Variants in CTNND2 observed in about 807,000 individuals in gnomAD.
CTNND2 encodes catenin delta 2, also known as catenin delta-2.
In CTNND2, 22 loss-of-function variants were observed where a neutral mutation model predicts 144.4. The ratio of observed to expected loss-of-function variants is 0.15; its 90% CI spans 0.11 to 0.22. The LOEUF is 0.22. CTNND2 is among the 10% of genes least tolerant of loss of function. CTNND2 has a pLI of 1.00. For missense variants in CTNND2, 1,353 were observed against 1,618.8 expected (o/e 0.84, Z 2.82); for synonymous variants, 751 against 695.6 (o/e 1.08, Z -1.25).
At chr5:11,665,043 G>C (rs1338361510) in intron 2 of CTNND2, among the ~76,000 whole-genome samples, 1 of 152,112 alleles carries the variant, frequency 6.6e-6, no homozygotes, top group Non-Finnish European at 1.5e-5. Context: ...TCTTTTGATG[G>C]TGAGCATCAA....
chr5:11,441,753 G>C (rs1764284511), intron 3 of CTNND2, among the ~76,000 whole-genome samples: 1 of 151,512 alleles, frequency 6.6e-6, no homozygotes, highest in African/African-American at 2.4e-5. Context: ...CTCCTGGGCA[G>C]TTTCTCAGCT....
chr5:11,623,638 A>G (rs1407290041), intron 2 of CTNND2, among the ~76,000 whole-genome samples: 3 of 151,676 alleles, frequency 2.0e-5, no homozygotes, highest in Admixed American at 2.0e-4. Flanking sequence ...ATGCAGAAAA[A>G]TCTTCAAAGC....
intron 3 of CTNND2, among the ~76,000 whole-genome samples, chr5:11,436,297 T>A (rs988538995): frequency 6.6e-6 from 1 of 152,058 alleles, no homozygotes; most frequent in Admixed American, 6.5e-5. Context: ...AATCTCACTA[T>A]CCCTGGAAGT....
intron 9 of CTNND2, among the ~76,000 whole-genome samples, chr5:11,331,230 T>C (rs1318586440): frequency 6.6e-6 from 1 of 152,148 alleles, no homozygotes; most frequent in African/African-American, 2.4e-5. Context: ...GTACTGTTGG[T>C]TCCTGGAAGA....
At chr5:11,289,336 A>G (rs1748073027) in intron 9 of CTNND2, among the ~76,000 whole-genome samples, 1 of 152,202 alleles carries the variant, frequency 6.6e-6, no homozygotes. Context: ...CTCAGATTCC[A>G]TATCCCAGTG....
intron 3 of CTNND2, among the ~76,000 whole-genome samples, chr5:11,499,162 T>C (rs1770287964): frequency 6.6e-6 from 1 of 152,178 alleles, no homozygotes; most frequent in African/African-American, 2.4e-5. Flanking sequence ...TTTGAAAATC[T>C]AGTAAAGCCT....
intron 1 of CTNND2, among the ~76,000 whole-genome samples, chr5:11,747,955 C>A (rs1384154677): frequency 6.6e-6 from 1 of 152,090 alleles, no homozygotes; most frequent in East Asian, 1.9e-4. Flanking sequence ...GATACCGAAG[C>A]TCAATGACAC....
chr5:11,803,408 T>C (rs1791805457), intron 1 of CTNND2, among the ~76,000 whole-genome samples: 1 of 152,138 alleles, frequency 6.6e-6, no homozygotes, highest in South Asian at 2.1e-4. Context: ...TCATCTTTGC[T>C]CCAAAGGGGA....
chr5:11,237,029 T>C (rs561692183), intron 9 of CTNND2, among the ~76,000 whole-genome samples: 1 of 151,828 alleles, frequency 6.6e-6, no homozygotes, highest in East Asian at 1.9e-4. Context: ...TTTCTTTTTT[T>C]TTTTTTTTTA....
In CTNND2 at chr5:11,903,450, G is replaced by A. The variant is rs1318204603; in HGVS notation, c.37+367C>T. On this transcript the variant is annotated intron_variant, in intron 1 of 21. Transcript: ENST00000304623. The surrounding 1 kb of genome is among the most constrained non-coding windows in gnomAD (Gnocchi z 5.4). ...CCCCACCCCCACCCCGTCTCCTCCC[G>A]TATATTAGGGACGTCATGAATGCAC... The A allele has an allele frequency of 7.6e-6, 6 of 785,754 alleles. No individual in the cohort carries two copies. Among genetic ancestry groups the A allele is most frequent in the African/African-American group, 1.9e-5 (1 of 52,062 alleles). The allele number at this position is 785,754 out of a possible 1,614,324, so 48.7% of individuals were successfully genotyped here.
intron 3 of CTNND2, among the ~76,000 whole-genome samples, chr5:11,418,085 C>T (rs1356733809): frequency 1.3e-5 from 2 of 151,902 alleles, no homozygotes; most frequent in South Asian, 2.1e-4. Context: ...GTTTGACGCA[C>T]TAACGAGGGT....
chr5:11,847,131 TATATATATATATATATATA>T (rs1561854248), intron 1 of CTNND2, among the ~76,000 whole-genome samples: 1 of 9,100 alleles, frequency 1.1e-4, no homozygotes, highest in East Asian at 1.3e-3. Flanking sequence ...AAAGATTTTA[TATATATATATATATATATA>T]TATATATATA....
chr5:11,248,984 A>G (rs1743294648), intron 9 of CTNND2, among the ~76,000 whole-genome samples: 1 of 152,266 alleles, frequency 6.6e-6, no homozygotes, highest in Admixed American at 6.5e-5. Context: ...AAATCTTAAT[A>G]GAATCTAACA....
chr5:11,055,143 G>A lies in CTNND2; in HGVS notation c.2788+27553C>T, dbSNP rs559801867. On this transcript the variant is annotated intron_variant, in intron 16 of 21. Transcript: ENST00000304623. Reference sequence around the variant, plus strand: ...GGTTGGAGAAGGTAGAGTTAAGGACGTAGGTACTGAATGAACCAGGGTTAA... The same window carrying A: ...GGTTGGAGAAGGTAGAGTTAAGGACATAGGTACTGAATGAACCAGGGTTAA... 7.2e-5 allele frequency among the ~76,000 whole-genome samples: 11 copies of A among 152,300 alleles called. No individual in the cohort carries two copies. In the East Asian group the frequency reaches 7.7e-4, roughly 11 times the overall value.
chr5:11,894,708 G>A (rs960970577), intron 1 of CTNND2, among the ~76,000 whole-genome samples: 1 of 152,100 alleles, frequency 6.6e-6, no homozygotes, highest in Non-Finnish European at 1.5e-5. Flanking sequence ...TTTATCCCAA[G>A]GAACAAATGA....
intron 16 of CTNND2, among the ~76,000 whole-genome samples, chr5:11,067,324 G>A (rs1444429301): frequency 1.3e-5 from 2 of 152,100 alleles, no homozygotes; most frequent in Admixed American, 6.5e-5. Flanking sequence ...GTCAAGGCAG[G>A]GTTATAGCTC....
chr5:11,464,237 TAA>T (rs1766465484), intron 3 of CTNND2, among the ~76,000 whole-genome samples: 1 of 152,122 alleles, frequency 6.6e-6, no homozygotes, highest in African/African-American at 2.4e-5. Context: ...ACAAAATAAA[TAA>T]GTACATAATT....
chr5:11,354,958 C>A (rs1205920851), intron 8 of CTNND2, among the ~76,000 whole-genome samples: 1 of 152,068 alleles, frequency 6.6e-6, no homozygotes, highest in South Asian at 2.1e-4. Flanking sequence ...GGAAACTTTA[C>A]AAATACATGG....
At chr5:11,603,692 A>G (rs1379247394) in intron 2 of CTNND2, among the ~76,000 whole-genome samples, 1 of 152,216 alleles carries the variant, frequency 6.6e-6, no homozygotes, top group Non-Finnish European at 1.5e-5. Context: ...ATGATAATAA[A>G]CAGTTCAGAG....
Sources: gnomAD v4.1 joint callset for allele counts (sites outside exome capture counted in the v4.1 genomes callset) on GRCh38, gnomAD v4.1.1 for gene constraint, Gnocchi (gnomAD v3.1) non-coding constraint, MANE v1.5 for transcripts, NCBI Gene and HGNC (gene_info 2026-07-23, HGNC 2026-07-21) for gene names.